ZNF680: variants seen among roughly 807,000 people sequenced by gnomAD.
ZNF680 encodes the protein zinc finger protein 680.
ZNF680 carries 6 observed loss-of-function variants against 12.1 expected under a neutral mutation model. That is an observed-to-expected ratio of 0.49 (90% confidence interval 0.27 to 0.98). ZNF680 has a LOEUF of 0.98. Among genes scored for constraint, ZNF680 ranks in the 50% least tolerant of loss-of-function variants. The pLI is 0.12. For missense variants in ZNF680, 561 were observed against 616.3 expected (o/e 0.91, Z 0.95); for synonymous variants, 170 against 199.3 (o/e 0.85, Z 1.24).
At chr7:64,508,186 C>T in the ZNF680 span, among the ~76,000 whole-genome samples, 1 of 133,404 alleles carries the variant, frequency 7.5e-6, no homozygotes, top group Non-Finnish European at 1.5e-5. Flanking sequence ...GCTCTGTTGC[C>T]CAGGCTGGAG....
In ZNF680 at chr7:64,544,161, C is replaced by G; in HGVS notation, c.157+145G>C. On this transcript the variant is annotated intron_variant, in intron 2 of 3. Transcript: ENST00000309683. ...TGAAACGTACTGAAGGAATTTTTTT[C>G]TACATGGACAAAGCTCAAAGATTTT... 1.4e-5 allele frequency: 18 copies of G among 1,268,364 alleles called. 1 individual carries two copies. In the South Asian group the frequency reaches 2.7e-4, roughly 19 times the overall value. The allele number at this position is 1,268,364 out of a possible 1,614,324, so 78.6% of individuals were successfully genotyped here.
the ZNF680 span, among the ~76,000 whole-genome samples, chr7:64,512,245 C>T: frequency 1.3e-5 from 2 of 151,308 alleles, no homozygotes; most frequent in South Asian, 4.2e-4. Context: ...GTCAAGAGAT[C>T]GAGATCATCC....
At chr7:64,518,225 A>C (rs775863614), downstream of ZNF680, among the ~76,000 whole-genome samples, 1 of 152,032 alleles carries the variant, frequency 6.6e-6, no homozygotes, top group Middle Eastern at 3.2e-3. Flanking sequence ...AATTCAGCAA[A>C]ATTTCTAGAT....
At chr7:64,536,309 T>C (rs995192908) in intron 3 of ZNF680, among the ~76,000 whole-genome samples, 1 of 152,172 alleles carries the variant, frequency 6.6e-6, no homozygotes, top group Non-Finnish European at 1.5e-5. Flanking sequence ...GAAACATGTT[T>C]ATTTGGCTCA....
the ZNF680 span, among the ~76,000 whole-genome samples, chr7:64,500,107 C>G: frequency 7.5e-4 from 114 of 152,184 alleles, 1 homozygote; most frequent in African/African-American, 2.6e-3. Flanking sequence ...CAGCTGCCCC[C>G]CTAGGTTTAT....
chr7:64,549,151 A>C (rs1002692621), intron 1 of ZNF680, among the ~76,000 whole-genome samples: 1 of 151,780 alleles, frequency 6.6e-6, no homozygotes, highest in Non-Finnish European at 1.5e-5. Context: ...AAACAATGAA[A>C]CTGCCCTGGT....
the ZNF680 span, among the ~76,000 whole-genome samples, chr7:64,508,345 T>C: frequency 6.6e-6 from 1 of 151,964 alleles, no homozygotes; most frequent in Non-Finnish European, 1.5e-5. Flanking sequence ...TTATGCTGTA[T>C]GTGAATCTGC....
At chr7:64,550,240 T>C (rs540691554) in intron 1 of ZNF680, among the ~76,000 whole-genome samples, 4 of 152,306 alleles carry the variant, frequency 2.6e-5, no homozygotes, top group East Asian at 1.9e-4. Flanking sequence ...TGTTAAGCTA[T>C]AGGGTGTGGG....
rs773466775 is a variant in ZNF680 at position 64,521,281 on chromosome 7, T to C, written c.1473A>G (p.Lys491=). ...TAAAAGCTTTGCCACATTCTTCACA[T>C]TTGTAGGGTTTCTCTCTAGCATGAA... ...KRIHAREKPY[K]CEECGKAFNR... is the part of the protein sequence containing the mutation. The change falls in exon 4 of 4, where the codon AAA becomes AAG. Residue 491 remains lysine (K), a synonymous_variant. Transcript: ENST00000309683. The C allele has an allele frequency of 1.2e-6, 2 of 1,613,758 alleles. No individual in the cohort carries two copies. The highest frequency in any genetic ancestry group is 1.3e-5 in the African/African-American group (1 of 75,012).
rs1385306924 is a variant in ZNF680 at position 64,559,218 on chromosome 7, T to C, written c.30+3707A>G. The stretch of plus-strand genomic sequence containing the variant: ...CCAGTTCCCAGCTTTACTTTTGGCA[T>C]AGTGAGTTCAGGGTCCCAAGAGTTT... On this transcript the variant is annotated intron_variant, in intron 1 of 3. Coordinates refer to ENST00000309683, the MANE Select transcript of ZNF680 (RefSeq NM_178558.5). 2.6e-5 allele frequency among the ~76,000 whole-genome samples: 4 copies of C among 152,190 alleles called. No individual in the cohort carries two copies. The South Asian group carries it at 8.3e-4, about 32-fold the overall frequency.
intron 1 of ZNF680, among the ~76,000 whole-genome samples, chr7:64,553,875 G>A (rs1042022576): frequency 1.7e-4 from 26 of 152,120 alleles, no homozygotes; most frequent in African/African-American, 5.3e-4. Context: ...ACGGAGTCTC[G>A]CTCACTCAGT....
downstream of ZNF680, among the ~76,000 whole-genome samples, chr7:64,514,982 G>A (rs1724415964): frequency 6.6e-6 from 1 of 151,988 alleles, no homozygotes. Context: ...GGCGGAGGTT[G>A]CAGTGAGCCA....
At chr7:64,539,351 CAAAA>C (rs1170166478) in intron 3 of ZNF680, among the ~76,000 whole-genome samples, 1 of 48,498 alleles carries the variant, frequency 2.1e-5, no homozygotes, top group Non-Finnish European at 3.4e-5. Flanking sequence ...AACTTCGTCT[CAAAA>C]AAAAAAAAAA....
intron 3 of ZNF680, chr7:64,525,738 T>C (rs562670221): frequency 1.1e-6 from 1 of 901,882 alleles, no homozygotes; most frequent in Non-Finnish European, 1.3e-6. Context: ...TTGTAAATTA[T>C]CTTTAAATAG....
rs565992507 is a variant in ZNF680, at chr7:64,521,698, A to G, written c.1056T>C (p.Cys352=). ...GGTTAAAAGCTTTGCCACATTCTTC[A>G]CATTTGTAGGGTTTCTCTCCAGTAT... ...KIHTGEKPYK[C]EECGKAFNQF... is the part of the protein sequence containing the mutation. Residue 352 remains cysteine (C), a synonymous_variant, in exon 4 of 4, where the codon TGT becomes TGC. Transcript: ENST00000309683. 6.2e-7 allele frequency: 1 copy of G among 1,612,606 alleles called. No homozygotes were observed. The highest frequency in any genetic ancestry group is 1.3e-5 in the African/African-American group (1 of 75,056).
At chr7:64,507,874 CACACAT>C in the ZNF680 span, among the ~76,000 whole-genome samples, 29 of 101,726 alleles carry the variant, frequency 2.9e-4, no homozygotes, top group Middle Eastern at 6.2e-3. Context: ...CACACACACA[CACACAT>C]TTTTTTATTT....
chr7:64,537,840 G>T (rs1223686167), intron 3 of ZNF680, among the ~76,000 whole-genome samples: 1 of 152,180 alleles, frequency 6.6e-6, no homozygotes, highest in East Asian at 1.9e-4. Context: ...TGAGGCAGGA[G>T]AATGACGTGA....
At chr7:64,501,627 A>G in the ZNF680 span, 1 of 782,558 alleles carries the variant, frequency 1.3e-6, no homozygotes, top group Non-Finnish European at 2.2e-6. Context: ...TGATGATGAT[A>G]ATGAAGGTGG....
intron 1 of ZNF680, among the ~76,000 whole-genome samples, chr7:64,545,884 T>A (rs576437936): frequency 6.6e-6 from 1 of 152,184 alleles, no homozygotes; most frequent in Non-Finnish European, 1.5e-5. Context: ...TTTTCCCCAG[T>A]AGAAATCTTG....
Sources: allele counts gnomAD v4.1 joint callset (sites outside exome capture counted in the v4.1 genomes callset), GRCh38; gene constraint gnomAD v4.1.1; transcripts MANE v1.5; gene names NCBI Gene and HGNC (gene_info 2026-07-23, HGNC 2026-07-21).